Variants in AGAP6 observed in about 807,000 individuals in gnomAD.
The protein encoded by AGAP6 is ArfGAP with GTPase domain, ankyrin repeat and PH domain 6, also known as arf-GAP with GTPase, ANK repeat and PH domain-containing protein 6.
AGAP6 carries 29 observed loss-of-function variants against 63.9 expected under a neutral mutation model. That is an observed-to-expected ratio of 0.45 (90% CI 0.34 to 0.62). The LOEUF (loss-of-function observed/expected upper bound fraction) is 0.62. Ranked by LOEUF, AGAP6 falls within the 20% of genes least tolerant of loss-of-function variation. AGAP6 has a pLI of 0.01. For missense variants in AGAP6, 493 were observed against 884.9 expected, an observed-to-expected ratio of 0.56 and a Z score of 5.62; for synonymous variants, 199 against 332.9, an observed-to-expected ratio of 0.60 and a Z score of 4.38.
At chr10:50,000,021 G>A (rs1291511705) in intron 4 of AGAP6, among the ~76,000 whole-genome samples, 1 of 130,490 alleles carries the variant, frequency 7.7e-6, no homozygotes, top group Non-Finnish European at 1.6e-5. Context: ...GTGGGCATCC[G>A]CATCCAATGG....
chr10:49,998,305 C>T (rs797040218), intron 4 of AGAP6, among the ~76,000 whole-genome samples: 3 of 119,130 alleles, frequency 2.5e-5, no homozygotes, highest in Non-Finnish European at 5.0e-5. Context: ...AGCGTCTAGA[C>T]GGGTTTTTCC....
chr10:50,009,511 C>T lies in AGAP6; in HGVS notation c.1386C>T (p.Ser462=), dbSNP rs547724641. The T allele has an allele frequency of 2.9e-4, 465 of 1,613,262 alleles. No homozygotes were observed. The highest frequency in any genetic ancestry group is 2.3e-4 in the African/African-American group (17 of 75,008). ...SKSKSQLTSQ[S]EAMALQSIQN... is the part of the protein sequence containing the mutation. ...GCAAGTCCCAGCTGACCAGCCAGAGCGAGGCCATGGCCCTGCAGTCGATCC... is the reference window on the plus strand; with the variant it reads ...GCAAGTCCCAGCTGACCAGCCAGAGTGAGGCCATGGCCCTGCAGTCGATCC... Residue 462 remains serine (S), a synonymous_variant, in exon 8 of 8, where the codon AGC becomes AGT. Coordinates refer to ENST00000412531, the MANE Select transcript of AGAP6 (RefSeq NM_001077665.3).
At chr10:50,006,984 T>C (rs1186518553) in intron 6 of AGAP6, among the ~76,000 whole-genome samples, 12 of 151,680 alleles carry the variant, frequency 7.9e-5, no homozygotes, top group Non-Finnish European at 1.5e-4. Flanking sequence ...GTACCCACTT[T>C]TGCTTTTATA....
In AGAP6 at chr10:50,010,096, G is replaced by A; in HGVS notation, c.1971G>A (p.Gly657=). The A allele has an allele frequency of 6.2e-7, 1 of 1,610,082 alleles. No homozygotes were observed. The highest frequency in any genetic ancestry group is 1.1e-5 in the South Asian group (1 of 90,916). The change falls in exon 8 of 8, where the codon GGG becomes GGA. Residue 657 remains glycine (G), a synonymous_variant. Transcript: ENST00000412531. ...ACGTCATGGCCCGAGATGCCCACGGGAACACAGCGCTGACCTACGCCCGGC... is the reference window on the plus strand; with the variant it reads ...ACGTCATGGCCCGAGATGCCCACGGAAACACAGCGCTGACCTACGCCCGGC... ...GVDVMARDAH[G]NTALTYARQA...
rs782249705 is a variant in AGAP6, at chr10:50,009,256, C to T, written c.1131C>T (p.Phe377=). The T allele has an allele frequency of 2.5e-5, 41 of 1,614,088 alleles. No homozygotes were observed. The Admixed American group carries it at 5.5e-4, about 22-fold the overall frequency. The change falls in exon 8 of 8, where the codon TTC becomes TTT. Residue 377 remains phenylalanine (F), a synonymous_variant. Transcript: ENST00000412531. ...MDTGLGDSIC[F]SPSISSTTSP... ...CCGGGCTGGGTGACTCCATATGCTTCAGCCCCAGTATCTCCAGCACCACCA... is the reference window on the plus strand; with the variant it reads ...CCGGGCTGGGTGACTCCATATGCTTTAGCCCCAGTATCTCCAGCACCACCA...
intron 6 of AGAP6, among the ~76,000 whole-genome samples, 165 bp from the exon 7 acceptor site, chr10:50,007,857 AAAG>A (rs1357487386): frequency 2.0e-5 from 3 of 152,222 alleles, no homozygotes; most frequent in Non-Finnish European, 2.9e-5. Context: ...ATGTGCTGAG[AAAG>A]AAGAAGTCAG....
At chr10:49,992,184 G>A (rs1841309001) in intron 3 of AGAP6, among the ~76,000 whole-genome samples, 2 of 151,792 alleles carry the variant, frequency 1.3e-5, no homozygotes, top group Admixed American at 1.3e-4. Context: ...GATTGAATCT[G>A]TGATTTGGGC....
chr10:49,991,519 C>T (rs1290835175), intron 2 of AGAP6, among the ~76,000 whole-genome samples, 157 bp from the exon 3 acceptor site: 4 of 151,480 alleles, frequency 2.6e-5, no homozygotes, highest in Admixed American at 6.6e-5. Flanking sequence ...CATGTGCCAT[C>T]TTGCCTGGCT....
In AGAP6 at chr10:50,009,007, G is replaced by A. The variant is rs1444710758; in HGVS notation, c.882G>A (p.Gly294=). ...AGGGCATGCTCTTAAAGCGAAGTGG[G>A]AAATGGCTGAAGACATGGAAAAAGA... ...IKQGMLLKRS[G]KWLKTWKKKY... The change falls in exon 8 of 8, where the codon GGG becomes GGA. Residue 294 remains glycine (G), a synonymous_variant. Transcript: ENST00000412531. The A allele has an allele frequency of 2.5e-6, 4 of 1,613,788 alleles. No individual in the cohort carries two copies. Among genetic ancestry groups the A allele is most frequent in the East Asian group, 2.2e-5 (1 of 44,902 alleles).
rs188405634 is a variant in AGAP6 at position 49,992,596 on chromosome 10, G to A, written c.361+852G>A. On this transcript the variant is annotated intron_variant, in intron 3 of 7. Coordinates refer to ENST00000412531, the MANE Select transcript of AGAP6 (RefSeq NM_001077665.3). The stretch of plus-strand genomic sequence containing the variant: ...AAGGCTGGGTAATTTATAACAAAAA[G>A]ATGTTTAACTGGCTCAAAGATTTTC... Among the ~76,000 whole-genome samples, 588 of 152,254 alleles carry A rather than the reference G, an allele frequency of 3.9e-3. 8 individuals carry two copies. The highest frequency in any genetic ancestry group is 0.014 in the African/African-American group (566 of 41,526).
intron 4 of AGAP6, among the ~76,000 whole-genome samples, chr10:49,997,337 G>C (rs1841528669): frequency 6.6e-6 from 1 of 152,130 alleles, no homozygotes; most frequent in South Asian, 2.1e-4. Flanking sequence ...CTACAAAAAG[G>C]TTAAATAACA....
chr10:50,005,497 C>T (rs1554863721), intron 6 of AGAP6, among the ~76,000 whole-genome samples: 2 of 151,800 alleles, frequency 1.3e-5, no homozygotes, highest in African/African-American at 4.8e-5. Context: ...TGTAGTCCCA[C>T]CTATTCTGGA....
At chr10:49,989,526 G>A in intron 2 of AGAP6, 150 bp downstream of exon 2, 2 of 1,345,748 alleles carry the variant, frequency 1.5e-6, no homozygotes, top group Middle Eastern at 2.6e-4. Flanking sequence ...TATCCAGATG[G>A]TACCTAAGTG....
rs531652071 is a variant in AGAP6 at position 50,005,065 on chromosome 10, CAG to C, written c.533+350_533+351del. Among the ~76,000 whole-genome samples the C allele has an allele frequency of 5.0e-3, 754 of 152,228 alleles. 11 individuals are homozygous for C. Among genetic ancestry groups the C allele is most frequent in the Middle Eastern group, 0.027 (8 of 294 alleles). Reference sequence around the variant, plus strand: ...GTTGTGAGGACTGTCTTGTGCATTGCAGAGAGTTTAGCGGTATTCATGGCCTC... The same window carrying C: ...GTTGTGAGGACTGTCTTGTGCATTGCAGAGTTTAGCGGTATTCATGGCCTC... On this transcript the variant is annotated intron_variant, in intron 6 of 7. Transcript: ENST00000412531.
rs1248495505 is a variant in AGAP6 at position 49,998,912 on chromosome 10, G to A, written c.397-3084G>A. 1.6e-4 allele frequency among the ~76,000 whole-genome samples: 22 copies of A among 139,710 alleles called. 4 individuals are homozygous for A. Among genetic ancestry groups the A allele is most frequent in the African/African-American group, 5.0e-4 (18 of 36,356 alleles). 91.7% of individuals were successfully genotyped at this position (139,710 alleles called of 152,430 possible). A position where few individuals can be genotyped will look rare whatever the true frequency, so the allele number is the denominator to read the frequency against. ...TCAGCAACGTTTTGTAGTTCCCAAC[G>A]GCATATCAAAAAATAATCCGGCCAG... On this transcript the variant is annotated intron_variant, in intron 4 of 7. Transcript: ENST00000412531.
In AGAP6 at chr10:49,991,623, A is replaced by G. The variant is rs1326286155; in HGVS notation, c.293-53A>G. 1.5e-5 allele frequency: 24 copies of G among 1,593,018 alleles called. No individual in the cohort carries two copies. In the East Asian group the frequency reaches 5.1e-4, roughly 34 times the overall value. On this transcript the variant is annotated intron_variant, in intron 2 of 7. Coordinates refer to ENST00000412531, the MANE Select transcript of AGAP6 (RefSeq NM_001077665.3). ...GCAGCAGTCGAATAAACGAGTTGAT[A>G]AATTTTTATCAATGATTACATCTTT... is the stretch of plus-strand genomic sequence containing the variant.
chr10:50,005,737 A>AG (rs1369478870), intron 6 of AGAP6, among the ~76,000 whole-genome samples: 1 of 148,708 alleles, frequency 6.7e-6, no homozygotes, highest in Non-Finnish European at 1.5e-5. Context: ...CCCGACCAAC[A>AG]TGGTAAAACC....
At chr10:49,996,044 T>A (rs1347719204) in intron 4 of AGAP6, among the ~76,000 whole-genome samples, 4 of 152,110 alleles carry the variant, frequency 2.6e-5, no homozygotes, top group Admixed American at 1.3e-4. Context: ...AATTTTTTTT[T>A]ATTTTCTCTG....
chr10:50,006,551 A>G (rs1554863927), intron 6 of AGAP6, among the ~76,000 whole-genome samples: 1 of 152,116 alleles, frequency 6.6e-6, no homozygotes. Context: ...ATTTTCTTAT[A>G]TGTTTGACAG....
Sources: gnomAD v4.1 joint callset for allele counts (sites outside exome capture counted in the v4.1 genomes callset) on GRCh38, gnomAD v4.1.1 for gene constraint, MANE v1.5 for transcripts, NCBI Gene and HGNC (gene_info 2026-07-23, HGNC 2026-07-21) for gene names.